The following PIAS4 variants were observed in gnomAD, a reference collection of about 807,000 sequenced individuals.
PIAS4 encodes protein inhibitor of activated STAT 4, also known as E3 SUMO-protein ligase PIAS4.
In PIAS4, 7 loss-of-function variants were observed where a neutral mutation model predicts 58.0. That is an observed-to-expected ratio of 0.12 (90% CI 0.07 to 0.23). The LOEUF (loss-of-function observed/expected upper bound fraction) is 0.23. Among genes scored for constraint, PIAS4 ranks in the 10% least tolerant of loss-of-function variants. PIAS4 has a pLI of 1.00. For synonymous variants in PIAS4, 364 were observed against 312.4 expected, an observed-to-expected ratio of 1.17 and a Z score of -1.74; for missense variants, 550 against 709.5, an observed-to-expected ratio of 0.78 and a Z score of 2.55.
chr19:4,009,883 G>C (rs1385820688), intron 1 of PIAS4, among the ~76,000 whole-genome samples: 1 of 152,158 alleles, frequency 6.6e-6, no homozygotes, highest in Non-Finnish European at 1.5e-5. Flanking sequence ...TGGGGCAGGG[G>C]TGTCTGTGAG....
chr19:4,008,476 G>T (rs1366181850), intron 1 of PIAS4, among the ~76,000 whole-genome samples: 1 of 152,138 alleles, frequency 6.6e-6, no homozygotes, highest in Non-Finnish European at 1.5e-5. Context: ...TCCCGACACC[G>T]TCTCTCACAC....
intron 9 of PIAS4, among the ~76,000 whole-genome samples, chr19:4,036,373 C>T (rs1267943247): frequency 2.3e-5 from 3 of 130,822 alleles, no homozygotes; most frequent in Non-Finnish European, 5.2e-5. Flanking sequence ...ACAGTCCACA[C>T]CGTCATACAC....
Position 4,037,338 on chromosome 19 carries a change from C to A in PIAS4, c.1143-36C>A. The A allele has an allele frequency of 6.3e-7, 1 of 1,577,776 alleles. No individual in the cohort carries two copies. Among genetic ancestry groups the A allele is most frequent in the South Asian group, 1.1e-5 (1 of 87,170 alleles). On this transcript the variant is annotated intron_variant, in intron 9 of 10. Coordinates refer to ENST00000262971, the MANE Select transcript of PIAS4 (RefSeq NM_015897.4). The surrounding 1 kb of genome is among the most constrained non-coding windows in gnomAD (Gnocchi z 5.8). Reference sequence around the variant, plus strand: ...CTGGGGAGTTGGGGGGGTGGGGCACCTCCAGCCCCGGCGTCAGCTGTCCGC... The same window carrying A: ...CTGGGGAGTTGGGGGGGTGGGGCACATCCAGCCCCGGCGTCAGCTGTCCGC...
rs78603431 is a variant in PIAS4 at position 4,023,840 on chromosome 19, G to T, written c.455-196G>T. Among the ~76,000 whole-genome samples, 923 of 152,336 alleles carry T rather than the reference G, an allele frequency of 6.1e-3. 21 individuals are homozygous for T. In the East Asian group the frequency reaches 0.083, roughly 14 times the overall value. On this transcript the variant is annotated intron_variant, in intron 2 of 10. Coordinates refer to ENST00000262971, the MANE Select transcript of PIAS4 (RefSeq NM_015897.4). Reference sequence around the variant, plus strand: ...AACAGGACACAGGCCATGGTGAGCGGCCCCGAGAAGGGGATGGGCGGGAGT... The same window carrying T: ...AACAGGACACAGGCCATGGTGAGCGTCCCCGAGAAGGGGATGGGCGGGAGT...
intron 2 of PIAS4, among the ~76,000 whole-genome samples, chr19:4,020,356 G>C (rs535052808): frequency 6.6e-6 from 1 of 152,186 alleles, no homozygotes; most frequent in South Asian, 2.1e-4. Flanking sequence ...GCACCTGGGA[G>C]CACAGACATA....
intron 9 of PIAS4, among the ~76,000 whole-genome samples, chr19:4,035,709 A>G (rs2040267849): frequency 8.2e-6 from 1 of 122,302 alleles, no homozygotes; most frequent in African/African-American, 3.0e-5. Context: ...GTGTGCGTGC[A>G]CACCCACACC....
intron 1 of PIAS4, among the ~76,000 whole-genome samples, chr19:4,012,446 C>T (rs143963937): frequency 2.4e-4 from 36 of 152,160 alleles, no homozygotes; most frequent in African/African-American, 8.2e-4. Flanking sequence ...CTACCGTTGG[C>T]GAGACCGAAG....
intron 2 of PIAS4, among the ~76,000 whole-genome samples, chr19:4,023,773 C>T (rs976807952): frequency 1.3e-5 from 2 of 152,238 alleles, no homozygotes; most frequent in African/African-American, 4.8e-5. Flanking sequence ...ACGCCTGCAT[C>T]CCACAGGCTG....
intron 9 of PIAS4, among the ~76,000 whole-genome samples, chr19:4,035,496 A>T (rs12976149): frequency 0.91 from 138,504 of 152,164 alleles, 63,146 homozygotes; most frequent in East Asian, 0.96. Context: ...TGCATTTGTA[A>T]AATGGGGCTG....
chr19:4,015,936 G>A (rs1468658317), intron 2 of PIAS4, among the ~76,000 whole-genome samples: 2 of 152,342 alleles, frequency 1.3e-5, no homozygotes, highest in South Asian at 4.1e-4. Context: ...GGCTGCAGGG[G>A]CCTCAGGCTG....
intron 2 of PIAS4, among the ~76,000 whole-genome samples, chr19:4,019,205 G>T (rs544159881): frequency 3.9e-5 from 6 of 152,308 alleles, no homozygotes; most frequent in Admixed American, 2.0e-4. Context: ...AGAAGGGCAG[G>T]TTTGAGGGAG....
rs2144908632 is a variant in PIAS4, at chr19:4,013,963, C to T, written c.454+614C>T. On this transcript the variant is annotated intron_variant, in intron 2 of 10. Transcript: ENST00000262971. This position sits in a 1 kb window ranked among gnomAD's most constrained non-coding sequence, Gnocchi z 5.1. ...TCTGTGGCGCATGCAGGGACCACACCAGGCTGTGACTGCCAGGGCCAGGGG... is the reference window on the plus strand; with the variant it reads ...TCTGTGGCGCATGCAGGGACCACACTAGGCTGTGACTGCCAGGGCCAGGGG... Among the ~76,000 whole-genome samples, 1 of 152,244 alleles carries T rather than the reference C, an allele frequency of 6.6e-6. No homozygotes were observed. Among genetic ancestry groups the T allele is most frequent in the South Asian group, 2.1e-4 (1 of 4,826 alleles).
At chr19:4,019,367 C>T (rs775136640) in intron 2 of PIAS4, among the ~76,000 whole-genome samples, 4 of 152,156 alleles carry the variant, frequency 2.6e-5, no homozygotes, top group Non-Finnish European at 5.9e-5. Context: ...GGGAGGAGCC[C>T]TCCCAGGGCA....
chr19:4,038,044 G>A lies in PIAS4; in HGVS notation c.*169G>A, dbSNP rs1248603652. Reference sequence around the variant, plus strand: ...CCTGTACCTCTGGACTCTCCTATCGGGGGATTAAAAAAAAAAGTAAAATGA... The same window carrying A: ...CCTGTACCTCTGGACTCTCCTATCGAGGGATTAAAAAAAAAAGTAAAATGA... On this transcript the variant is annotated 3_prime_UTR_variant, in exon 11 of 11. Transcript: ENST00000262971. The surrounding 1 kb of genome is among the most constrained non-coding windows in gnomAD (Gnocchi z 4.1). 2.4e-5 allele frequency: 13 copies of A among 550,258 alleles called. No homozygotes were observed. The highest frequency in any genetic ancestry group is 2.1e-4 in the South Asian group (7 of 33,074). 34.1% of individuals were successfully genotyped at this position (550,258 alleles called of 1,614,324 possible).
At chr19:4,033,229 CTGGCGGCCCTGGGCCCG>C (rs2040239964) in intron 8 of PIAS4, 56 bp downstream of exon 8, 2 of 1,541,044 alleles carry the variant, frequency 1.3e-6, no homozygotes, top group Admixed American at 3.4e-5. Context: ...GCCTTCCCCC[CTGGCGGCCCTGGGCCCG>C]GGGCGGCTTG....
At chr19:4,009,846 T>C (rs1442207249) in intron 1 of PIAS4, among the ~76,000 whole-genome samples, 1 of 152,130 alleles carries the variant, frequency 6.6e-6, no homozygotes, top group Non-Finnish European at 1.5e-5. Context: ...AATCTGAGAC[T>C]CTCAGCTTGA....
In PIAS4 at chr19:4,037,371, C is replaced by T. The variant is rs1057490869; in HGVS notation, c.1143-3C>T. The T allele has an allele frequency of 6.2e-7, 1 of 1,601,898 alleles. No individual in the cohort carries two copies. Among genetic ancestry groups the T allele is most frequent in the Non-Finnish European group, 8.5e-7 (1 of 1,172,146 alleles). On this transcript the variant is annotated splice_polypyrimidine_tract_variant and splice_region_variant and intron_variant, in intron 9 of 10. Coordinates refer to ENST00000262971, the MANE Select transcript of PIAS4 (RefSeq NM_015897.4). The surrounding 1 kb of genome is among the most constrained non-coding windows in gnomAD (Gnocchi z 5.8). The stretch of plus-strand genomic sequence containing the variant: ...CCGGCGTCAGCTGTCCGCCTCGCCC[C>T]AGGCTCCTCTCGAAGATCCTGAGCG...
In PIAS4 at chr19:4,026,279, C is replaced by T. The variant is rs560484260; in HGVS notation, c.540-1867C>T. 1.1e-3 allele frequency among the ~76,000 whole-genome samples: 147 copies of T among 133,780 alleles called. 2 individuals carry two copies. The highest frequency in any genetic ancestry group is 4.7e-3 in the Admixed American group (69 of 14,544). 87.8% of individuals were successfully genotyped at this position (133,780 alleles called of 152,430 possible). On this transcript the variant is annotated intron_variant, in intron 3 of 10. Coordinates refer to ENST00000262971, the MANE Select transcript of PIAS4 (RefSeq NM_015897.4). ...TCCCGAGTAGCTGGGACTACAGGTG[C>T]GCACCACCACGCCTGGCTAATTTTT...
chr19:4,035,908 C>T (rs1245170738), intron 9 of PIAS4, among the ~76,000 whole-genome samples: 4 of 10,156 alleles, frequency 3.9e-4, no homozygotes, highest in Non-Finnish European at 8.8e-4. Context: ...CAGTCCACAC[C>T]GTCTCACACA....
Sources: allele counts gnomAD v4.1 joint callset (sites outside exome capture counted in the v4.1 genomes callset), GRCh38; gene constraint gnomAD v4.1.1; non-coding constraint Gnocchi (gnomAD v3.1); transcripts MANE v1.5; gene names NCBI Gene and HGNC (gene_info 2026-07-23, HGNC 2026-07-21).